Variants in SNRNP70 observed in about 807,000 individuals in gnomAD.
SNRNP70 encodes U1 small nuclear ribonucleoprotein 70 kDa.
A neutral mutation model predicts 50.5 loss-of-function variants in SNRNP70; 8 were observed. The observed-to-expected ratio is 0.16, with a 90% CI of 0.09 to 0.29. The LOEUF (loss-of-function observed/expected upper bound fraction) is 0.29. SNRNP70 is among the 10% of genes least tolerant of loss of function. The pLI is 1.00. For synonymous variants in SNRNP70, 320 were observed against 252.9 expected (o/e 1.27, Z -2.52); for missense variants, 529 against 663.5 (o/e 0.80, Z 2.23).
At chr19:49,102,001 C>T in intron 7 of SNRNP70, 1 of 447,050 alleles carries the variant, frequency 2.2e-6, no homozygotes, top group Non-Finnish European at 4.1e-6. Flanking sequence ...CCAAAGCCCC[C>T]TTTGAGGCTG....
rs539714808 is a variant in SNRNP70 at position 49,108,427 on chromosome 19, A to C, written c.1298A>C (p.Glu433Ala). ...YLAPENGYLMEAAPE is the reference protein window; with the variant it reads ...YLAPENGYLMAAAPE ...GCTCCGGAGAATGGGTATTTGATGG[A>C]GGCTGCGCCGGAGTGAAGAGGTCGT... The change falls in exon 10 of 10, where the codon GAG (glutamate) becomes GCG (alanine). Residue 433 changes from glutamate (E) to alanine (A), a missense_variant. Coordinates refer to ENST00000598441, the MANE Select transcript of SNRNP70 (RefSeq NM_003089.6). The C allele has an allele frequency of 2.4e-5, 39 of 1,605,938 alleles. No homozygotes were observed. The South Asian group carries it at 2.8e-4, about 11-fold the overall frequency.
At chr19:49,099,062 T>C (rs1386927927) in intron 6 of SNRNP70, among the ~76,000 whole-genome samples, 1 of 152,196 alleles carries the variant, frequency 6.6e-6, no homozygotes, top group Non-Finnish European at 1.5e-5. Flanking sequence ...ATATCTACTC[T>C]CTGGGTCTTG....
chr19:49,090,605 C>G, intron 4 of SNRNP70, 85 bp downstream of exon 4: 1 of 1,274,816 alleles, frequency 7.8e-7, no homozygotes, highest in Non-Finnish European at 1.1e-6. Flanking sequence ...CCTGCTGTCT[C>G]CCTAAGGCCT....
chr19:49,096,504 G>C (rs150846002), intron 4 of SNRNP70, among the ~76,000 whole-genome samples: 4 of 152,072 alleles, frequency 2.6e-5, no homozygotes, highest in Admixed American at 2.6e-4. Flanking sequence ...GGTGGCTCAC[G>C]CCTGTAATGC....
At chr19:49,094,353 T>C (rs2040486910) in intron 4 of SNRNP70, among the ~76,000 whole-genome samples, 1 of 151,834 alleles carries the variant, frequency 6.6e-6, no homozygotes, top group African/African-American at 2.4e-5. Flanking sequence ...ATAAAAATTA[T>C]CTGGGTGTGG....
Position 49,107,073 on chromosome 19 carries a change from G to A in SNRNP70, c.578-552G>A, listed in dbSNP as rs1257316056. The stretch of plus-strand genomic sequence containing the variant: ...TGAGTTCACCAGAGAAGGAAGGGGA[G>A]ACCAGTCCAGGGCAAGGAGAATGCA... On this transcript the variant is annotated intron_variant, in intron 8 of 9. Transcript: ENST00000598441. This position sits in a 1 kb window ranked among gnomAD's most constrained non-coding sequence, Gnocchi z 6.0. Among the ~76,000 whole-genome samples, 2 of 152,162 alleles carry A rather than the reference G, an allele frequency of 1.3e-5. No individual in the cohort carries two copies. The highest frequency in any genetic ancestry group is 6.5e-5 in the Admixed American group (1 of 15,280).
intron 7 of SNRNP70, chr19:49,102,062 C>T (rs1394791752): frequency 7.4e-5 from 72 of 975,596 alleles, no homozygotes; most frequent in Middle Eastern, 3.9e-4. Flanking sequence ...GGCAGGGCTG[C>T]GGCGTGTCCA....
intron 2 of SNRNP70, among the ~76,000 whole-genome samples, chr19:49,089,834 T>G (rs2040426727): frequency 6.6e-6 from 1 of 151,596 alleles, no homozygotes; most frequent in Admixed American, 6.6e-5. Flanking sequence ...GGCTAATTTT[T>G]TGTATTTTTA....
In SNRNP70 at chr19:49,108,112, A is replaced by G. The variant is rs903997915; in HGVS notation, c.983A>G (p.Asp328Gly). 1 of 1,549,624 alleles carries G rather than the reference A, an allele frequency of 6.5e-7. No individual in the cohort carries two copies. The highest frequency in any genetic ancestry group is 8.7e-7 in the Non-Finnish European group (1 of 1,148,030). The change falls in exon 10 of 10, where the codon GAT becomes GGT. Residue 328 changes from aspartate (D) to glycine (G), a missense_variant. Coordinates refer to ENST00000598441, the MANE Select transcript of SNRNP70 (RefSeq NM_003089.6). ...TCCGAGGCGGGTGACGCGCCCCCTG[A>G]TGATGGGCCTCCAGGGGAGCTCGGG... ...EPSEAGDAPP[D>G]DGPPGELGPD...
intron 2 of SNRNP70, 107 bp downstream of exon 2, chr19:49,086,668 G>C: frequency 9.8e-7 from 1 of 1,023,578 alleles, no homozygotes; most frequent in South Asian, 1.4e-5. Context: ...TTTAAGCGAG[G>C]GGCTTAACCT....
At chr19:49,087,094 C>T (rs1600268783) in intron 2 of SNRNP70, among the ~76,000 whole-genome samples, 1 of 147,846 alleles carries the variant, frequency 6.8e-6, no homozygotes, top group East Asian at 2.0e-4. Context: ...GCACGGGAAT[C>T]ACTTGAACCC....
In SNRNP70 at chr19:49,107,999, G is replaced by C. The variant is rs1008099734; in HGVS notation, c.870G>C (p.Arg290=). ...RSKDKDRDRK[R]RSSRSRERAR... is the part of the protein sequence containing the mutation. ...AGGACAAGGACCGGGACCGGAAGCGGCGAAGCAGCCGGAGTCGGGAGCGGG... is the reference window on the plus strand; with the variant it reads ...AGGACAAGGACCGGGACCGGAAGCGCCGAAGCAGCCGGAGTCGGGAGCGGG... The change falls in exon 10 of 10, where the codon CGG becomes CGC. Residue 290 remains arginine (R), a synonymous_variant. Transcript: ENST00000598441. The surrounding 1 kb of genome is among the most constrained non-coding windows in gnomAD (Gnocchi z 6.0). 1 of 1,547,876 alleles carries C rather than the reference G, an allele frequency of 6.5e-7. No homozygotes were observed. The highest frequency in any genetic ancestry group is 1.2e-5 in the South Asian group (1 of 83,976).
chr19:49,087,417 G>T (rs759427515), intron 2 of SNRNP70, among the ~76,000 whole-genome samples: 1 of 152,134 alleles, frequency 6.6e-6, no homozygotes, highest in Non-Finnish European at 1.5e-5. Context: ...CAGGGGGCTT[G>T]GCACCAAGCA....
In SNRNP70 at chr19:49,086,569, C is replaced by T. The variant is rs2040382533; in HGVS notation, c.147+8C>T. ...TACATTCGAGAGTTTGAGGTGAGTT[C>T]ACTGAGCAGGCCAGGAATGGTTTGG... On this transcript the variant is annotated splice_region_variant and intron_variant, in intron 2 of 9. Coordinates refer to ENST00000598441, the MANE Select transcript of SNRNP70 (RefSeq NM_003089.6). 2.5e-6 allele frequency: 4 copies of T among 1,613,474 alleles called. No homozygotes were observed. Among genetic ancestry groups the T allele is most frequent in the Non-Finnish European group, 2.5e-6 (3 of 1,179,630 alleles).
chr19:49,102,849 G>A (rs1009259016), intron 7 of SNRNP70: 1 of 152,596 alleles, frequency 6.6e-6, no homozygotes, highest in Non-Finnish European at 1.5e-5. Context: ...AGAGAGAGAG[G>A]CCTAGACGAA....
chr19:49,098,230 AT>A (rs1274813028), intron 4 of SNRNP70, among the ~76,000 whole-genome samples, 196 bp from the exon 5 acceptor site: 1 of 152,164 alleles, frequency 6.6e-6, no homozygotes, highest in Non-Finnish European at 1.5e-5. Context: ...AGCCACTCTG[AT>A]AAAGCCCACT....
At chr19:49,087,974 A>G (rs111851782) in intron 2 of SNRNP70, among the ~76,000 whole-genome samples, 2,882 of 152,046 alleles carry the variant, frequency 0.019, 76 homozygotes, top group African/African-American at 0.065. Context: ...ATTTTAGCCA[A>G]CTGCAGCCTC....
chr19:49,104,913 G>A lies in SNRNP70; in HGVS notation c.577+178G>A, dbSNP rs1055151512. 6.6e-6 allele frequency among the ~76,000 whole-genome samples: 1 copy of A among 152,146 alleles called. No homozygotes were observed. Among genetic ancestry groups the A allele is most frequent in the African/African-American group, 2.4e-5 (1 of 41,422 alleles). Reference sequence around the variant, plus strand: ...ATTTCTGACAGCTGCCTGCCTCCTCGTTCTGGGTTACTGTGAGGAGCAGGG... The same window carrying A: ...ATTTCTGACAGCTGCCTGCCTCCTCATTCTGGGTTACTGTGAGGAGCAGGG... On this transcript the variant is annotated intron_variant, in intron 8 of 9. Coordinates refer to ENST00000598441, the MANE Select transcript of SNRNP70 (RefSeq NM_003089.6). This position sits in a 1 kb window ranked among gnomAD's most constrained non-coding sequence, Gnocchi z 5.4.
chr19:49,093,723 G>T (rs2040479400), intron 4 of SNRNP70, among the ~76,000 whole-genome samples: 2 of 146,184 alleles, frequency 1.4e-5, no homozygotes, highest in Non-Finnish European at 3.0e-5. Context: ...GGCCAGGCAC[G>T]GAGGCTCATG....
Sources: allele counts gnomAD v4.1 joint callset (sites outside exome capture counted in the v4.1 genomes callset), GRCh38; gene constraint gnomAD v4.1.1; non-coding constraint Gnocchi (gnomAD v3.1); transcripts MANE v1.5; gene names NCBI Gene and HGNC (gene_info 2026-07-23, HGNC 2026-07-21).